CSMD1: variants seen among roughly 807,000 people sequenced by gnomAD.
CSMD1 encodes the protein CUB and Sushi multiple domains 1.
In CSMD1, 213 loss-of-function variants were observed where a neutral mutation model predicts 417.5. That is an observed-to-expected ratio of 0.51 (90% confidence interval 0.46 to 0.57). The LOEUF (loss-of-function observed/expected upper bound fraction) is 0.57. Ranked by LOEUF, CSMD1 falls within the 20% of genes least tolerant of loss-of-function variation. The pLI, the probability that CSMD1 is intolerant of heterozygous loss-of-function variation, is 0.00. For synonymous variants in CSMD1, 2,862 were observed against 1,736.8 expected, an observed-to-expected ratio of 1.65 and a Z score of -16.11; for missense variants, 6,923 against 4,529.7, an observed-to-expected ratio of 1.53 and a Z score of -15.17.
At chr8:3,778,731 G>A (rs1464698562) in intron 5 of CSMD1, among the ~76,000 whole-genome samples, 3 of 152,198 alleles carry the variant, frequency 2.0e-5, no homozygotes, top group Non-Finnish European at 4.4e-5. Flanking sequence ...TTTCTGCAGG[G>A]CCTTTGGAAA....
At chr8:3,789,762 ACT>A (rs1272520401) in intron 5 of CSMD1, among the ~76,000 whole-genome samples, 1 of 124,860 alleles carries the variant, frequency 8.0e-6, no homozygotes, top group Non-Finnish European at 1.6e-5. Flanking sequence ...ACACAGTTTC[ACT>A]CTGTCTCCGA....
chr8:4,631,114 G>C (rs1802484027), intron 2 of CSMD1, among the ~76,000 whole-genome samples: 1 of 152,148 alleles, frequency 6.6e-6, no homozygotes, highest in Non-Finnish European at 1.5e-5. Flanking sequence ...TGTAATCCCA[G>C]CACTTTGGGA....
intron 1 of CSMD1, among the ~76,000 whole-genome samples, chr8:4,955,882 T>C (rs1355082051): frequency 4.7e-5 from 7 of 149,900 alleles, no homozygotes; most frequent in Admixed American, 2.7e-4. Flanking sequence ...TAGAAAGTAG[T>C]TGTTAAACTT....
intron 12 of CSMD1, among the ~76,000 whole-genome samples, chr8:3,433,153 T>C: frequency 6.6e-6 from 1 of 152,202 alleles, no homozygotes; most frequent in South Asian, 2.1e-4. Flanking sequence ...CATGGTGGGA[T>C]TCTGAAGAAA....
chr8:4,985,620 T>C (rs1366913014), intron 1 of CSMD1, among the ~76,000 whole-genome samples: 3 of 152,236 alleles, frequency 2.0e-5, no homozygotes, highest in Non-Finnish European at 4.4e-5. Flanking sequence ...CCAGATCACA[T>C]TAATCAATAA....
intron 42 of CSMD1, among the ~76,000 whole-genome samples, chr8:3,115,465 G>C (rs1039708864): frequency 6.6e-6 from 1 of 152,136 alleles, no homozygotes; most frequent in South Asian, 2.1e-4. Flanking sequence ...GTCTCCCAAA[G>C]TGTTGGGATT....
intron 7 of CSMD1, among the ~76,000 whole-genome samples, chr8:3,703,532 G>C (rs966833449): frequency 2.6e-5 from 4 of 152,050 alleles, no homozygotes; most frequent in Non-Finnish European, 4.4e-5. Context: ...GGGATGAGGA[G>C]GTATGGTGTG....
intron 6 of CSMD1, among the ~76,000 whole-genome samples, chr8:3,713,319 T>C (rs894820828): frequency 4.6e-5 from 7 of 152,202 alleles, no homozygotes; most frequent in African/African-American, 1.4e-4. Context: ...GACGAAACCA[T>C]TACTATATTT....
At chr8:3,466,003 G>C (rs1279806965) in intron 12 of CSMD1, among the ~76,000 whole-genome samples, 2 of 151,936 alleles carry the variant, frequency 1.3e-5, no homozygotes, top group Non-Finnish European at 2.9e-5. Context: ...CCCTCAGTTG[G>C]GTTTACATGT....
At chr8:4,578,590 GCGGT>G (rs1799253763) in intron 2 of CSMD1, among the ~76,000 whole-genome samples, 1 of 151,334 alleles carries the variant, frequency 6.6e-6, no homozygotes, top group Non-Finnish European at 1.5e-5. Context: ...GCCAAGGTGG[GCGGT>G]TCACGAGGTC....
intron 23 of CSMD1, among the ~76,000 whole-genome samples, chr8:3,315,224 A>G (rs961518838): frequency 1.3e-5 from 2 of 152,190 alleles, no homozygotes; most frequent in East Asian, 3.9e-4. Flanking sequence ...TAAAAACTTA[A>G]TATTGCTTTT....
At chr8:3,064,059 A>G (rs1446651534) in intron 49 of CSMD1, among the ~76,000 whole-genome samples, 1 of 152,206 alleles carries the variant, frequency 6.6e-6, no homozygotes, top group African/African-American at 2.4e-5. Context: ...GTACTTTTCA[A>G]TTTTCATTCT....
At chr8:4,801,659 C>G (rs1184813456) in intron 1 of CSMD1, among the ~76,000 whole-genome samples, 1 of 151,988 alleles carries the variant, frequency 6.6e-6, no homozygotes, top group Non-Finnish European at 1.5e-5. Flanking sequence ...CACCAGTGTC[C>G]TCAGCCTGTC....
At chr8:3,259,692 T>G (rs1388260195) in intron 26 of CSMD1, among the ~76,000 whole-genome samples, 1 of 152,188 alleles carries the variant, frequency 6.6e-6, no homozygotes, top group Admixed American at 6.6e-5. Context: ...TTTACTAAAT[T>G]GGTGAGTCTA....
chr8:4,267,873 A>G (rs1156392572), intron 3 of CSMD1, among the ~76,000 whole-genome samples: 1 of 152,138 alleles, frequency 6.6e-6, no homozygotes, highest in African/African-American at 2.4e-5. Context: ...TATACTTGTG[A>G]TTAAATTTTT....
chr8:3,952,590 A>C (rs937588606), intron 5 of CSMD1, among the ~76,000 whole-genome samples: 32 of 152,316 alleles, frequency 2.1e-4, no homozygotes, highest in African/African-American at 7.5e-4. Flanking sequence ...AGTCACCAAG[A>C]GACAGGGAGA....
At chr8:4,198,612 T>A (rs1799474631) in intron 3 of CSMD1, among the ~76,000 whole-genome samples, 1 of 152,174 alleles carries the variant, frequency 6.6e-6, no homozygotes, top group Non-Finnish European at 1.5e-5. Context: ...AATGAGTCTT[T>A]AAGCATATAG....
chr8:4,085,297 G>A (rs1243843011), intron 3 of CSMD1, among the ~76,000 whole-genome samples: 1 of 152,126 alleles, frequency 6.6e-6, no homozygotes, highest in African/African-American at 2.4e-5. Context: ...TCCTTATCTA[G>A]TTAGGAAGTT....
intron 3 of CSMD1, among the ~76,000 whole-genome samples, chr8:4,205,878 A>C (rs1053388153): frequency 6.6e-6 from 1 of 152,176 alleles, no homozygotes; most frequent in Non-Finnish European, 1.5e-5. Flanking sequence ...TGAACTTCCT[A>C]TTATGCACTG....
Sources: gnomAD v4.1 joint callset for allele counts (sites outside exome capture counted in the v4.1 genomes callset) on GRCh38, gnomAD v4.1.1 for gene constraint, MANE v1.5 for transcripts, NCBI Gene and HGNC (gene_info 2026-07-23, HGNC 2026-07-21) for gene names.